Variants in ANKRD28 observed in about 807,000 individuals in gnomAD.
ANKRD28 encodes the protein serine/threonine-protein phosphatase 6 regulatory ankyrin repeat subunit A.
ANKRD28 carries 44 observed loss-of-function variants against 126.5 expected under a neutral mutation model. That is an observed-to-expected ratio of 0.35 (90% CI 0.27 to 0.45). The LOEUF (loss-of-function observed/expected upper bound fraction) is 0.45. Among genes scored for constraint, ANKRD28 ranks in the 20% least tolerant of loss-of-function variants. The probability of loss-of-function intolerance (pLI) is 1.00; values close to 1 mark genes in which losing one functional copy is unlikely to be tolerated. For synonymous variants in ANKRD28, 442 were observed against 468.5 expected, an observed-to-expected ratio of 0.94 and a Z score of 0.73; for missense variants, 1,110 against 1,316.6, an observed-to-expected ratio of 0.84 and a Z score of 2.43.
intron 2 of ANKRD28, among the ~76,000 whole-genome samples, chr3:15,777,902 A>ACACACACC (rs1385745179): frequency 1.9e-4 from 26 of 136,820 alleles, no homozygotes; most frequent in South Asian, 9.1e-4. Flanking sequence ...ACACACACAC[A>ACACACACC]CCCTCTCCGC....
In ANKRD28 at chr3:15,689,852, A is replaced by AT; in HGVS notation, c.1963+166dup. The AT allele has an allele frequency of 6.4e-6, 4 of 624,686 alleles. No homozygotes were observed. The South Asian group carries it at 9.0e-5, about 14-fold the overall frequency. 38.7% of individuals were successfully genotyped at this position (624,686 alleles called of 1,614,324 possible). On this transcript the variant is annotated intron_variant, in intron 18 of 27. Coordinates refer to ENST00000683139, the MANE Select transcript of ANKRD28 (RefSeq NM_001349278.2). ...TGAATGACGGAGGCTTTGTAAATTCATTTGTGTGAATAAAGTTATTTGGTG... is the reference window on the plus strand; with the variant it reads ...TGAATGACGGAGGCTTTGTAAATTCATTTTGTGTGAATAAAGTTATTTGGTG...
chr3:15,717,694 A>G (rs1027920084), intron 8 of ANKRD28, among the ~76,000 whole-genome samples: 2 of 152,186 alleles, frequency 1.3e-5, no homozygotes, highest in African/African-American at 4.8e-5. Flanking sequence ...GCTGACCAAA[A>G]TCTATTCTTA....
At position 15,751,796 on chromosome 3, in the gene ANKRD28, C is replaced by T; in HGVS notation, c.305G>A (p.Ser102Asn). The T allele has an allele frequency of 6.3e-7, 1 of 1,586,492 alleles. No homozygotes were observed. Among genetic ancestry groups the T allele is most frequent in the Non-Finnish European group, 8.6e-7 (1 of 1,165,738 alleles). ...TCTGTGTAAAGGTGTCAACCATTTG[C>T]TGTCTTTGGCATTAACTCTAGCTCC... is the stretch of plus-strand genomic sequence containing the variant. ...LSGARVNAKD[S>N]KWLTPLHRAV... Residue 102 changes from serine (S) to asparagine (N), a missense_variant, in exon 4 of 28, where the codon AGC becomes AAC. Physicochemically the swap from Ser to Asn is conservative, Grantham distance 46 (BLOSUM62 1). Coordinates refer to ENST00000683139, the MANE Select transcript of ANKRD28 (RefSeq NM_001349278.2).
chr3:15,754,651 A>C (rs1360895681), intron 3 of ANKRD28, among the ~76,000 whole-genome samples: 1 of 152,156 alleles, frequency 6.6e-6, no homozygotes, highest in East Asian at 1.9e-4. Context: ...ATACCTCTTC[A>C]AAAGGGGGTA....
At chr3:15,742,818 G>A (rs113420226) in intron 4 of ANKRD28, among the ~76,000 whole-genome samples, 8 of 144,076 alleles carry the variant, frequency 5.6e-5, no homozygotes, top group South Asian at 2.3e-4. Flanking sequence ...CTGCCCGGCC[G>A]CCCCTACTGG....
At chr3:15,785,015 C>T (rs1398176871) in intron 2 of ANKRD28, among the ~76,000 whole-genome samples, 1 of 152,042 alleles carries the variant, frequency 6.6e-6, no homozygotes, top group African/African-American at 2.4e-5. Flanking sequence ...TAATTTTGGT[C>T]AATTTCAGTT....
intron 2 of ANKRD28, among the ~76,000 whole-genome samples, chr3:15,794,167 T>TA (rs2060165763): frequency 1.3e-5 from 2 of 152,124 alleles, no homozygotes; most frequent in African/African-American, 4.8e-5. Flanking sequence ...GAAAAAATTT[T>TA]AAAAAATATA....
intron 2 of ANKRD28, among the ~76,000 whole-genome samples, chr3:15,782,813 A>C (rs888074201): frequency 3.3e-5 from 5 of 152,114 alleles, no homozygotes. Context: ...CTGGGCGAGA[A>C]CTTTTGCCAT....
At chr3:15,674,933 G>T (rs190475513) in intron 27 of ANKRD28, among the ~76,000 whole-genome samples, 139 of 152,200 alleles carry the variant, frequency 9.1e-4, no homozygotes, top group African/African-American at 3.2e-3. Flanking sequence ...CTATGTGTAG[G>T]GGTGAGGGGG....
chr3:15,753,816 G>A (rs774999542), intron 3 of ANKRD28, among the ~76,000 whole-genome samples: 1 of 151,988 alleles, frequency 6.6e-6, no homozygotes, highest in Non-Finnish European at 1.5e-5. Context: ...GGTGGCCCGC[G>A]TGCACCTGTA....
chr3:15,775,300 G>A (rs910430391), intron 2 of ANKRD28, among the ~76,000 whole-genome samples: 1 of 152,162 alleles, frequency 6.6e-6, no homozygotes, highest in Non-Finnish European at 1.5e-5. Flanking sequence ...CTATGTAGGA[G>A]GAAAAATCAG....
At chr3:15,757,493 C>T (rs938626321) in intron 3 of ANKRD28, among the ~76,000 whole-genome samples, 1 of 152,142 alleles carries the variant, frequency 6.6e-6, no homozygotes, top group South Asian at 2.1e-4. Context: ...TGCGTTCCCC[C>T]AAAATTTATG....
chr3:15,719,427 T>C lies in ANKRD28; in HGVS notation c.996+1488A>G, dbSNP rs569562552. 1.8e-3 allele frequency among the ~76,000 whole-genome samples: 278 copies of C among 152,296 alleles called. 5 individuals carry two copies. The highest frequency in any genetic ancestry group is 5.9e-4 in the Non-Finnish European group (40 of 68,032). The stretch of plus-strand genomic sequence containing the variant: ...GTTTGGCAAGTGCTCAAAGGATGAA[T>C]TGATAAAATTAATACAGAAACAACT... On this transcript the variant is annotated intron_variant, in intron 8 of 27. Transcript: ENST00000683139.
intron 17 of ANKRD28, 71 bp from the exon 18 acceptor site, chr3:15,690,291 G>A: frequency 8.0e-7 from 1 of 1,255,798 alleles, no homozygotes; most frequent in Non-Finnish European, 1.1e-6. Flanking sequence ...TTGAATAAAT[G>A]TAAATAAGCA....
chr3:15,693,293 C>T (rs899688689), intron 17 of ANKRD28, among the ~76,000 whole-genome samples: 4 of 151,634 alleles, frequency 2.6e-5, no homozygotes, highest in Admixed American at 6.6e-5. Flanking sequence ...TATACACATA[C>T]AAAATCTCTG....
intron 3 of ANKRD28, among the ~76,000 whole-genome samples, chr3:15,756,154 A>G (rs2058142847): frequency 2.0e-5 from 3 of 152,224 alleles, no homozygotes; most frequent in Admixed American, 1.3e-4. Context: ...ATCCTCACAC[A>G]TATATCTGAA....
In ANKRD28 at chr3:15,751,219, TATCTC is replaced by T. The variant is rs551573096; in HGVS notation, c.351+526_351+530del. 4.9e-4 allele frequency among the ~76,000 whole-genome samples: 75 copies of T among 152,328 alleles called. 1 individual carries two copies. Among genetic ancestry groups the T allele is most frequent in the Non-Finnish European group, 6.0e-4 (41 of 68,010 alleles). Reference sequence around the variant, plus strand: ...ATGAACATTTTCTAAAAATGTCAGTTATCTCAACAAGCAAACAATATACAAGGCTG... The same window carrying T: ...ATGAACATTTTCTAAAAATGTCAGTTAACAAGCAAACAATATACAAGGCTG... On this transcript the variant is annotated intron_variant, in intron 4 of 27. Coordinates refer to ENST00000683139, the MANE Select transcript of ANKRD28 (RefSeq NM_001349278.2).
chr3:15,763,740 AAG>A (rs1475090297), intron 3 of ANKRD28, among the ~76,000 whole-genome samples: 2 of 152,178 alleles, frequency 1.3e-5, no homozygotes, highest in African/African-American at 2.4e-5. Flanking sequence ...AGCAAACAAA[AAG>A]AGAGTAGCAG....
At chr3:15,718,280 G>A (rs1268003247) in intron 8 of ANKRD28, among the ~76,000 whole-genome samples, 1 of 152,206 alleles carries the variant, frequency 6.6e-6, no homozygotes, top group Non-Finnish European at 1.5e-5. Context: ...ACCCTTAGGT[G>A]AAGTTAAGAT....
Sources: allele counts gnomAD v4.1 joint callset (sites outside exome capture counted in the v4.1 genomes callset), GRCh38; gene constraint gnomAD v4.1.1; transcripts MANE v1.5; gene names NCBI Gene and HGNC (gene_info 2026-07-23, HGNC 2026-07-21).